Variants in SPG11 observed in about 807,000 individuals in gnomAD.
SPG11 encodes the protein SPG11 vesicle trafficking associated, spatacsin, also known as spatacsin.
Under a neutral mutation model 274.0 loss-of-function variants are expected in SPG11, and 222 were observed. That is an observed-to-expected ratio of 0.81 (90% CI 0.73 to 0.91). The LOEUF (loss-of-function observed/expected upper bound fraction) is 0.91. SPG11 is among the 40% of genes least tolerant of loss of function. The probability of loss-of-function intolerance (pLI) is 0.00; values close to 1 mark genes in which losing one functional copy is unlikely to be tolerated. For synonymous variants in SPG11, 1,144 were observed against 1,039.7 expected (o/e 1.10, Z -1.93); for missense variants, 3,114 against 2,872.7 (o/e 1.08, Z -1.92).
At chr15:44,627,021 T>C (rs962134317) in intron 10 of SPG11, among the ~76,000 whole-genome samples, 10 of 152,054 alleles carry the variant, frequency 6.6e-5, no homozygotes, top group Non-Finnish European at 1.5e-4. Flanking sequence ...CTGGAGAGAG[T>C]AGCAGATGAG....
rs2082306230 is a variant in SPG11 at position 44,566,247 on chromosome 15, C to T, written c.6813G>A (p.Leu2271=). ...CATAACTCTCTGCTGCATCCAACATCAGAGTCAGGGCCTTCAGCAGCAGTT... is the reference window on the plus strand; with the variant it reads ...CATAACTCTCTGCTGCATCCAACATTAGAGTCAGGGCCTTCAGCAGCAGTT... ...LKQLLLKALT[L]MLDAAESYAK... Residue 2271 remains leucine, a synonymous_variant, in exon 37 of 40, where the codon CTG becomes CTA. Transcript: ENST00000261866. The T allele has an allele frequency of 6.2e-7, 1 of 1,614,228 alleles. No individual in the cohort carries two copies. Among genetic ancestry groups the T allele is most frequent in the Non-Finnish European group, 8.5e-7 (1 of 1,180,036 alleles).
Position 44,628,798 on chromosome 15 carries a change from G to A in SPG11, c.1938C>T (p.Tyr646=), listed in dbSNP as rs780066043. ...TCATGAAGGTTCGAAGTTCATTAATGTAGCTAGTCAAAATGTTCACTCCTT... is the reference window on the plus strand; with the variant it reads ...TCATGAAGGTTCGAAGTTCATTAATATAGCTAGTCAAAATGTTCACTCCTT... ...LQKGVNILTS[Y]INELRTFMIK... is the part of the protein sequence containing the mutation. The change falls in exon 10 of 40, where the codon TAC becomes TAT. Residue 646 remains tyrosine (Y), a synonymous_variant. Transcript: ENST00000261866. 5.6e-6 allele frequency: 9 copies of A among 1,613,500 alleles called. No individual in the cohort carries two copies. The highest frequency in any genetic ancestry group is 7.6e-6 in the Non-Finnish European group (9 of 1,179,956).
At chr15:44,662,601 C>T (rs2085145997) in intron 1 of SPG11, among the ~76,000 whole-genome samples, 1 of 148,966 alleles carries the variant, frequency 6.7e-6, no homozygotes, top group Non-Finnish European at 1.5e-5. Flanking sequence ...CTGCCGTGAA[C>T]CGTGACTGAG....
rs777278944 is a variant in SPG11 at position 44,600,631 on chromosome 15, A to C, written c.3522T>G (p.Asp1174Glu). ...WQSANTLAIG[D>E]AWSHLPHFSS... ...AGAAATGTGGGAGATGACTCCATGC[A>C]TCTAGGGGGAAAGTAAAACAATATT... Residue 1174 changes from aspartate to glutamate, a missense_variant and splice_region_variant, in exon 21 of 40, where the codon GAT becomes GAG. By Grantham distance (45) the Asp-to-Glu change is conservative. Coordinates refer to ENST00000261866, the MANE Select transcript of SPG11 (RefSeq NM_025137.4). The C allele has an allele frequency of 6.2e-7, 1 of 1,613,792 alleles. No homozygotes were observed. The highest frequency in any genetic ancestry group is 1.7e-5 in the Admixed American group (1 of 60,024).
At chr15:44,585,494 C>CGGGA in intron 29 of SPG11, 142 bp downstream of exon 29, 1 of 630,072 alleles carries the variant, frequency 1.6e-6, no homozygotes, top group Non-Finnish European at 2.7e-6. Context: ...CCCAGCTACT[C>CGGGA]GGGAGGCTGA....
intron 5 of SPG11, 65 bp downstream of exon 5, chr15:44,652,064 A>T (rs1195591858): frequency 5.0e-6 from 8 of 1,598,650 alleles, no homozygotes; most frequent in Non-Finnish European, 6.8e-6. Context: ...CTTTAATGAA[A>T]GGGTACAGCG....
intron 7 of SPG11, among the ~76,000 whole-genome samples, chr15:44,641,807 A>G (rs2084451352): frequency 6.6e-6 from 1 of 152,014 alleles, no homozygotes; most frequent in African/African-American, 2.4e-5. Context: ...TATTATCAAT[A>G]AAATTAAACA....
chr15:44,586,905 G>A (rs576299725), intron 28 of SPG11, among the ~76,000 whole-genome samples: 7 of 152,196 alleles, frequency 4.6e-5, no homozygotes, highest in Non-Finnish European at 1.0e-4. Context: ...TCTCCAGCTG[G>A]CCAATAGCCT....
chr15:44,622,468 A>G, intron 12 of SPG11, 121 bp from the exon 13 acceptor site: 1 of 862,424 alleles, frequency 1.2e-6, no homozygotes. Flanking sequence ...AAAAGTCATG[A>G]GATAATATGC....
At chr15:44,662,847 C>CACTGCTCCTATG (rs1043753917) in intron 1 of SPG11, among the ~76,000 whole-genome samples, 8 of 152,154 alleles carry the variant, frequency 5.3e-5, no homozygotes, top group Non-Finnish European at 1.0e-4. Flanking sequence ...ACTTTTTAGG[C>CACTGCTCCTATG]ACTGCTCCTA....
chr15:44,575,351 A>G (rs1009159063), intron 30 of SPG11: 2 of 316,294 alleles, frequency 6.3e-6, no homozygotes, highest in East Asian at 6.1e-5. Context: ...CCTGTATCAA[A>G]TAAGTCACCA....
chr15:44,659,829 G>A (rs1006351863), intron 2 of SPG11, among the ~76,000 whole-genome samples: 2 of 152,234 alleles, frequency 1.3e-5, no homozygotes, highest in Admixed American at 6.5e-5. Flanking sequence ...GGGAGGCCCA[G>A]GTGGGCAGAT....
chr15:44,620,692 G>T, intron 14 of SPG11: 1 of 287,470 alleles, frequency 3.5e-6, no homozygotes, highest in Non-Finnish European at 6.5e-6. Context: ...GTGCCATCAT[G>T]ACCAGGTAAA....
intron 8 of SPG11, among the ~76,000 whole-genome samples, chr15:44,632,982 T>C (rs1029437083): frequency 1.3e-5 from 2 of 152,066 alleles, no homozygotes; most frequent in African/African-American, 4.8e-5. Flanking sequence ...CAGAGTACAG[T>C]AAAAGATATG....
chr15:44,599,381 C>A (rs1285915565), intron 21 of SPG11, among the ~76,000 whole-genome samples: 1 of 152,052 alleles, frequency 6.6e-6, no homozygotes, highest in Non-Finnish European at 1.5e-5. Flanking sequence ...CTCACTTCAA[C>A]CTCTGCCTCC....
intron 28 of SPG11, among the ~76,000 whole-genome samples, chr15:44,586,372 G>T (rs999021027): frequency 1.3e-5 from 2 of 152,102 alleles, no homozygotes; most frequent in African/African-American, 2.4e-5. Context: ...ATGGCTAGGC[G>T]TAGTGGCTCA....
At chr15:44,584,676 T>A in intron 29 of SPG11, 118 bp from the exon 30 acceptor site, 1 of 1,234,700 alleles carries the variant, frequency 8.1e-7, no homozygotes. Context: ...TCACCCAGGC[T>A]GGAGAGCAGT....
At chr15:44,653,534 T>G (rs1841215232) in intron 4 of SPG11, among the ~76,000 whole-genome samples, 1 of 152,162 alleles carries the variant, frequency 6.6e-6, no homozygotes, top group African/African-American at 2.4e-5. Flanking sequence ...GCTACTCTAT[T>G]GTGGATGGAT....
rs755064786 is a variant in SPG11, at chr15:44,563,152, C to G, written c.7301G>C (p.Gly2434Ala). The G allele has an allele frequency of 3.1e-6, 5 of 1,614,150 alleles. No homozygotes were observed. In the Admixed American group the frequency reaches 8.3e-5, roughly 27 times the overall value. The change falls in exon 40 of 40, where the codon GGT becomes GCT. Residue 2434 changes from glycine (G) to alanine (A), a missense_variant. Transcript: ENST00000261866. ...VNVLLKDPQT[G>A]CCLKDMLAG is the part of the protein sequence containing the mutation. ...TGCTAGCATGTCCTTTAGACAGCAA[C>G]CTGTCTGAGGGTCCTTCAGAAGCAC...
Sources: allele counts gnomAD v4.1 joint callset (sites outside exome capture counted in the v4.1 genomes callset), GRCh38; gene constraint gnomAD v4.1.1; transcripts MANE v1.5; gene names NCBI Gene and HGNC (gene_info 2026-07-23, HGNC 2026-07-21).